Variants in URI1 observed in about 807,000 individuals in gnomAD.
URI1 encodes unconventional prefoldin RPB5 interactor 1.
URI1 carries 39 observed loss-of-function variants against 60.2 expected under a neutral mutation model. That is an observed-to-expected ratio of 0.65 (90% CI 0.50 to 0.85). URI1 has a LOEUF of 0.85. Ranked by LOEUF, URI1 falls within the 40% of genes least tolerant of loss-of-function variation. The pLI is 0.00. For missense variants in URI1, 691 were observed against 665.9 expected, an observed-to-expected ratio of 1.04 and a Z score of -0.42; for synonymous variants, 251 against 236.8, an observed-to-expected ratio of 1.06 and a Z score of -0.55.
chr19:29,993,595 C>CTT (rs111505537), intron 4 of URI1, among the ~76,000 whole-genome samples: 313 of 147,964 alleles, frequency 2.1e-3, no homozygotes, highest in Non-Finnish European at 3.2e-3. Flanking sequence ...CCGAATACAG[C>CTT]TTTTTTTTTT....
chr19:29,970,095 A>G (rs544490025), intron 1 of URI1, among the ~76,000 whole-genome samples: 88 of 150,004 alleles, frequency 5.9e-4, no homozygotes, highest in African/African-American at 2.1e-3. Context: ...ACAATAGAGG[A>G]ATTTAGTGAC....
chr19:29,961,519 T>C (rs750656261), intron 1 of URI1, among the ~76,000 whole-genome samples: 4 of 152,162 alleles, frequency 2.6e-5, no homozygotes, highest in Admixed American at 6.5e-5. Flanking sequence ...AATATTCCAT[T>C]GTATTATAGA....
chr19:29,975,723 C>T (rs1000248730), intron 2 of URI1, among the ~76,000 whole-genome samples: 6 of 152,268 alleles, frequency 3.9e-5, no homozygotes, highest in Middle Eastern at 3.4e-3. Context: ...CCAGGCTGGT[C>T]TCGAACTCCT....
At chr19:29,987,081 A>C (rs1197329966) in intron 4 of URI1, among the ~76,000 whole-genome samples, 1 of 152,168 alleles carries the variant, frequency 6.6e-6, no homozygotes, top group African/African-American at 2.4e-5. Flanking sequence ...CAGTTGGATG[A>C]GCTAGCTTGG....
intron 1 of URI1, among the ~76,000 whole-genome samples, chr19:29,927,850 T>C (rs1042500804): frequency 1.3e-5 from 2 of 152,028 alleles, no homozygotes; most frequent in Non-Finnish European, 2.9e-5. Flanking sequence ...ATGCTGGGAT[T>C]AGGCGTGACC....
At chr19:29,967,986 C>A (rs1413332181) in intron 1 of URI1, among the ~76,000 whole-genome samples, 3 of 152,126 alleles carry the variant, frequency 2.0e-5, no homozygotes. Context: ...TTTTGTGTTG[C>A]AAAGAATGGA....
At chr19:29,979,106 T>C (rs2055561147) in intron 2 of URI1, among the ~76,000 whole-genome samples, 1 of 152,100 alleles carries the variant, frequency 6.6e-6, no homozygotes, top group Admixed American at 6.5e-5. Context: ...AGAAAGAAAA[T>C]ATAGAAAGTG....
intron 2 of URI1, among the ~76,000 whole-genome samples, chr19:29,973,024 A>G (rs1296976236): frequency 1.3e-5 from 2 of 152,238 alleles, no homozygotes; most frequent in Non-Finnish European, 2.9e-5. Flanking sequence ...AGATCTATAC[A>G]TGGTATATTG....
At chr19:30,001,305 G>A (rs1267658551) in intron 4 of URI1, among the ~76,000 whole-genome samples, 1 of 151,818 alleles carries the variant, frequency 6.6e-6, no homozygotes, top group Non-Finnish European at 1.5e-5. Flanking sequence ...AAGGTAGCAA[G>A]CTGATTTATT....
intron 4 of URI1, among the ~76,000 whole-genome samples, chr19:30,002,703 A>C (rs1392240975): frequency 6.6e-6 from 1 of 151,952 alleles, no homozygotes; most frequent in East Asian, 1.9e-4. Flanking sequence ...GGTGGGGGGA[A>C]GTATCTGTGG....
chr19:29,925,909 A>T (rs1011940039), intron 1 of URI1: 1 of 152,164 alleles, frequency 6.6e-6, no homozygotes, highest in Non-Finnish European at 1.5e-5. Flanking sequence ...CACATACCGT[A>T]TGAGTCCATT....
At chr19:29,955,717 G>A (rs951038589) in intron 1 of URI1, among the ~76,000 whole-genome samples, 2 of 150,154 alleles carry the variant, frequency 1.3e-5, no homozygotes, top group Non-Finnish European at 2.9e-5. Context: ...AGCCTCCCAA[G>A]TAGCTGGGAT....
chr19:29,994,486 A>G (rs1190652354), intron 4 of URI1, among the ~76,000 whole-genome samples: 3 of 152,082 alleles, frequency 2.0e-5, no homozygotes. Flanking sequence ...GAATTTGGCT[A>G]TTCTAGATAC....
At chr19:29,924,733 G>T (rs1028154404) in intron 1 of URI1, among the ~76,000 whole-genome samples, 1 of 152,254 alleles carries the variant, frequency 6.6e-6, no homozygotes, top group African/African-American at 2.4e-5. Flanking sequence ...CCATGCCCCT[G>T]TGAGAGCCGG....
intron 1 of URI1, among the ~76,000 whole-genome samples, chr19:29,962,930 T>C (rs759642072): frequency 6.6e-6 from 1 of 152,238 alleles, no homozygotes; most frequent in Non-Finnish European, 1.5e-5. Flanking sequence ...TACTCTGTTA[T>C]CTTTCACTTT....
intron 3 of URI1, 72 bp from the exon 4 acceptor site, chr19:29,986,210 C>A (rs111650711): frequency 1.2e-5 from 16 of 1,386,598 alleles, no homozygotes; most frequent in South Asian, 1.1e-4. Flanking sequence ...GCTTTTAATG[C>A]GAAGTGTTTT....
At chr19:29,976,633 C>A (rs1164736561) in intron 2 of URI1, among the ~76,000 whole-genome samples, 4 of 152,084 alleles carry the variant, frequency 2.6e-5, no homozygotes, top group African/African-American at 4.8e-5. Context: ...TTGAATAGGT[C>A]CTACACACAC....
chr19:29,964,452 G>GTTTTTGTT (rs2055364763), intron 1 of URI1, among the ~76,000 whole-genome samples: 3 of 137,302 alleles, frequency 2.2e-5, no homozygotes, highest in African/African-American at 8.2e-5. Context: ...TTTTGTTTTT[G>GTTTTTGTT]TTTTTTGTTT....
intron 2 of URI1, among the ~76,000 whole-genome samples, chr19:29,981,498 T>G (rs1450008079): frequency 6.6e-6 from 1 of 152,130 alleles, no homozygotes; most frequent in Non-Finnish European, 1.5e-5. Context: ...TTTTTTAATT[T>G]CCTTAAAACA....
Sources: allele counts gnomAD v4.1 joint callset (sites outside exome capture counted in the v4.1 genomes callset), GRCh38; gene constraint gnomAD v4.1.1; transcripts MANE v1.5; gene names NCBI Gene and HGNC (gene_info 2026-07-23, HGNC 2026-07-21).